Variants in ZMYM1 observed in about 807,000 individuals in gnomAD.
ZMYM1 encodes the protein zinc finger MYM-type protein 1.
A neutral mutation model predicts 60.0 loss-of-function variants in ZMYM1; 39 were observed. That is an observed-to-expected ratio of 0.65 (90% CI 0.50 to 0.85). The LOEUF (loss-of-function observed/expected upper bound fraction) is 0.85, where lower values mean the gene tolerates loss of function less well. Among genes scored for constraint, ZMYM1 ranks in the 40% least tolerant of loss-of-function variants. The pLI is 0.00. For missense variants in ZMYM1, 1,171 were observed against 1,309.5 expected, an observed-to-expected ratio of 0.89 and a Z score of 1.63; for synonymous variants, 413 against 454.0, an observed-to-expected ratio of 0.91 and a Z score of 1.15.
chr1:35,112,548 TATA>T (rs1334618144), intron 9 of ZMYM1, among the ~76,000 whole-genome samples: 2 of 107,344 alleles, frequency 1.9e-5, no homozygotes, highest in African/African-American at 3.6e-5. Context: ...ATAAATATAT[TATA>T]ATATATTGTA....
downstream of ZMYM1, among the ~76,000 whole-genome samples, chr1:35,116,835 A>ATTTTTTTTTTTTTTTTTTTTTTT (rs10671957): frequency 1.1e-5 from 1 of 88,936 alleles, no homozygotes; most frequent in East Asian, 4.4e-4. Context: ...TAGGCCTGGA[A>ATTTTTTTTTTTTTTTTTTTTTTT]TTTTTTTTTT....
At chr1:35,101,352 G>C (rs1200803163) in intron 4 of ZMYM1, among the ~76,000 whole-genome samples, 7 of 150,056 alleles carry the variant, frequency 4.7e-5, no homozygotes, top group Non-Finnish European at 8.9e-5. Context: ...TCAGGTATCT[G>C]CCTGCCCCAG....
chr1:35,089,904 C>T lies in ZMYM1; in HGVS notation c.-74-4010C>T, dbSNP rs528498802. Among the ~76,000 whole-genome samples, 1,078 of 144,348 alleles carry T rather than the reference C, an allele frequency of 7.5e-3. 12 individuals carry two copies. Among genetic ancestry groups the T allele is most frequent in the African/African-American group, 0.028 (1,047 of 37,880 alleles). 94.7% of individuals were successfully genotyped at this position (144,348 alleles called of 152,430 possible). A position where few individuals can be genotyped will look rare whatever the true frequency, so the allele number is the denominator to read the frequency against. ...GGGACTACAGGTGCCCGATATAAGGCTCTTTTTTTTTTTTTTTTGAGACAG... is the reference window on the plus strand; with the variant it reads ...GGGACTACAGGTGCCCGATATAAGGTTCTTTTTTTTTTTTTTTTGAGACAG... On this transcript the variant is annotated intron_variant, in intron 1 of 9. Coordinates refer to ENST00000359858, the MANE Select transcript of ZMYM1 (RefSeq NM_024772.5).
intron 1 of ZMYM1, among the ~76,000 whole-genome samples, chr1:35,090,127 C>T (rs974630607): frequency 2.6e-5 from 4 of 151,950 alleles, no homozygotes; most frequent in Non-Finnish European, 5.9e-5. Flanking sequence ...AGGATGGCCT[C>T]GATCTCCTGA....
chr1:35,076,661 G>A (rs1460781977), upstream of ZMYM1, among the ~76,000 whole-genome samples: 4 of 150,876 alleles, frequency 2.7e-5, no homozygotes, highest in East Asian at 1.9e-4. Flanking sequence ...AGCCAGGCAC[G>A]TTGACTCACG....
intron 6 of ZMYM1, among the ~76,000 whole-genome samples, chr1:35,107,800 AACTT>A (rs1643942983): frequency 6.6e-6 from 1 of 152,140 alleles, no homozygotes; most frequent in African/African-American, 2.4e-5. Context: ...ATATTAAACT[AACTT>A]AATTATAAAT....
chr1:35,103,623 G>A (rs531236654), intron 4 of ZMYM1, among the ~76,000 whole-genome samples: 14 of 152,148 alleles, frequency 9.2e-5, no homozygotes, highest in Non-Finnish European at 1.6e-4. Flanking sequence ...GAATATGCAC[G>A]TACATGTGCT....
chr1:35,095,173 G>T lies in ZMYM1; in HGVS notation c.97-646G>T, dbSNP rs1643241321. Among the ~76,000 whole-genome samples, 4 of 151,778 alleles carry T rather than the reference G, an allele frequency of 2.6e-5. No homozygotes were observed. The South Asian group carries it at 8.3e-4, about 32-fold the overall frequency. On this transcript the variant is annotated intron_variant, in intron 2 of 9. Coordinates refer to ENST00000359858, the MANE Select transcript of ZMYM1 (RefSeq NM_024772.5). ...CATTCTGCCCAATTAACAATTTCTT[G>T]GGTTAAGGTCTTTATGAAGACAATT...
At chr1:35,118,632 G>T (rs557426611), downstream of ZMYM1, among the ~76,000 whole-genome samples, 1 of 151,622 alleles carries the variant, frequency 6.6e-6, no homozygotes, top group Non-Finnish European at 1.5e-5. Flanking sequence ...GCGTGAACCC[G>T]GGAGGCGGAG....
Position 35,114,142 on chromosome 1 carries a change from T to C in ZMYM1, c.2312T>C (p.Leu771Pro). The change falls in exon 10 of 10, where the codon CTC (leucine) becomes CCC (proline). Residue 771 changes from leucine (L) to proline (P), a missense_variant. By Grantham distance (98) the Leu-to-Pro change is moderately conservative (BLOSUM62 -3). Transcript: ENST00000359858. The part of the protein sequence containing the change: ...VKELRSALKT[L>P]SSLFNTICMS... The stretch of plus-strand genomic sequence containing the variant: ...GAACTCCGAAGTGCTCTAAAAACTC[T>C]CAGTTCTTTGTTCAACACTATTTGT... 2 of 1,609,336 alleles carry C rather than the reference T, an allele frequency of 1.2e-6. No homozygotes were observed. The highest frequency in any genetic ancestry group is 1.1e-5 in the South Asian group (1 of 89,428).
At position 35,112,200 on chromosome 1, in the gene ZMYM1, C is replaced by A. The variant is rs951423947; in HGVS notation, c.1146+70C>A. The A allele has an allele frequency of 1.9e-5, 28 of 1,506,248 alleles. No individual in the cohort carries two copies. The Admixed American group carries it at 2.9e-4, about 16-fold the overall frequency. 93.3% of individuals were successfully genotyped at this position (1,506,248 alleles called of 1,614,324 possible). On this transcript the variant is annotated intron_variant, in intron 9 of 9. Coordinates refer to ENST00000359858, the MANE Select transcript of ZMYM1 (RefSeq NM_024772.5). ...ATTTTTGTTGTTGTTGTTGTTGAGACAGAGTCTCGCTCTGCCACCCAAGCT... is the reference window on the plus strand; with the variant it reads ...ATTTTTGTTGTTGTTGTTGTTGAGAAAGAGTCTCGCTCTGCCACCCAAGCT...
rs1456451131 is a variant in ZMYM1, at chr1:35,067,215, G to C, written c.-301+7290G>C. On this transcript the variant is annotated intron_variant, in intron 1 of 10. Transcript: ENST00000417119. ...GTTGGTCTTGAACTCCTGACCTCAA[G>C]TGATCTGTCCACCTTGGCCTCTCAA... Among the ~76,000 whole-genome samples, 7 of 152,088 alleles carry C rather than the reference G, an allele frequency of 4.6e-5. No individual in the cohort carries two copies. In the East Asian group the frequency reaches 1.4e-3, roughly 29 times the overall value.
intron 1 of ZMYM1, among the ~76,000 whole-genome samples, chr1:35,066,691 C>A (rs138093892): frequency 1.3e-5 from 2 of 152,048 alleles, no homozygotes; most frequent in African/African-American, 4.8e-5. Context: ...TGATTCTTCC[C>A]AAATTGATCC....
intron 1 of ZMYM1, among the ~76,000 whole-genome samples, chr1:35,070,886 G>T (rs184884636): frequency 3.3e-5 from 5 of 151,294 alleles, no homozygotes; most frequent in Non-Finnish European, 7.4e-5. Flanking sequence ...ATGGGTTTTT[G>T]GTTTTTGGGT....
At chr1:35,111,632 C>A in intron 7 of ZMYM1, 140 bp from the exon 8 acceptor site, 1 of 627,970 alleles carries the variant, frequency 1.6e-6, no homozygotes. Context: ...ATTCCTAAGC[C>A]CTAATAAAAA....
chr1:35,091,312 A>G (rs1642984904), intron 1 of ZMYM1, among the ~76,000 whole-genome samples: 1 of 152,014 alleles, frequency 6.6e-6, no homozygotes, highest in African/African-American at 2.4e-5. Context: ...TCCCGGGTTC[A>G]CACCATTCTC....
In ZMYM1 at chr1:35,112,143, T is replaced by G. The variant is rs74224906; in HGVS notation, c.1146+13T>G. 5,042 of 1,611,544 alleles carry G rather than the reference T, an allele frequency of 3.1e-3. 110 individuals carry two copies. In the Admixed American group the frequency reaches 0.042, roughly 13 times the overall value. ...TGTCATTGTGGATGTAAGTTTTAAC[T>G]TTTTTTACCACTGTCTTTTTTTAAT... On this transcript the variant is annotated intron_variant, in intron 9 of 9. Transcript: ENST00000359858.
At chr1:35,095,715 AT>A in intron 2 of ZMYM1, 103 bp from the exon 3 acceptor site, 1 of 956,468 alleles carries the variant, frequency 1.0e-6, no homozygotes, top group Non-Finnish European at 1.5e-6. Context: ...TATACAATTC[AT>A]TGACCAGACT....
upstream of ZMYM1, among the ~76,000 whole-genome samples, chr1:35,076,000 C>T (rs900902108): frequency 1.3e-5 from 2 of 152,140 alleles, no homozygotes; most frequent in African/African-American, 4.8e-5. Context: ...AACAACTAAT[C>T]ATGGCAAGGG....
Sources: allele counts gnomAD v4.1 joint callset (sites outside exome capture counted in the v4.1 genomes callset), GRCh38; gene constraint gnomAD v4.1.1; transcripts MANE v1.5; gene names NCBI Gene and HGNC (gene_info 2026-07-23, HGNC 2026-07-21).